The following PIWIL1 variants were observed in gnomAD, a reference collection of about 807,000 sequenced individuals.
PIWIL1 encodes piwi like RNA-mediated gene silencing 1, also known as piwi-like protein 1.
In PIWIL1, 73 loss-of-function variants were observed where a neutral mutation model predicts 114.4. The ratio of observed to expected loss-of-function variants is 0.64; its 90% CI spans 0.53 to 0.78. The LOEUF is 0.78. PIWIL1 is among the 30% of genes least tolerant of loss of function. The pLI, the probability that PIWIL1 is intolerant of heterozygous loss-of-function variation, is 0.00. For synonymous variants in PIWIL1, 375 were observed against 369.0 expected, an observed-to-expected ratio of 1.02 and a Z score of -0.19; for missense variants, 723 against 1,063.1, an observed-to-expected ratio of 0.68 and a Z score of 4.45.
At position 130,355,018 on chromosome 12, in the gene PIWIL1, T is replaced by C; in HGVS notation, c.1289+13T>C. The C allele has an allele frequency of 6.8e-7, 1 of 1,478,730 alleles. No homozygotes were observed. The highest frequency in any genetic ancestry group is 9.5e-7 in the Non-Finnish European group (1 of 1,056,732). The allele number at this position is 1,478,730 out of a possible 1,614,324, so 91.6% of individuals were successfully genotyped here. A position where few individuals can be genotyped will look rare whatever the true frequency, so the allele number is the denominator to read the frequency against. On this transcript the variant is annotated intron_variant, in intron 11 of 20. Coordinates refer to ENST00000245255, the MANE Select transcript of PIWIL1 (RefSeq NM_004764.5). ...ATTACATTCATAAGTAAGTCATTGATTTCACTGGGGCAGGGTTTCAGTTTT... is the reference window on the plus strand; with the variant it reads ...ATTACATTCATAAGTAAGTCATTGACTTCACTGGGGCAGGGTTTCAGTTTT...
the PIWIL1 span, among the ~76,000 whole-genome samples, chr12:130,410,177 A>G: frequency 6.6e-5 from 10 of 152,328 alleles, no homozygotes; most frequent in Admixed American, 6.5e-4. Flanking sequence ...TGCCACCCAC[A>G]TATCGTCTTT....
the PIWIL1 span, among the ~76,000 whole-genome samples, chr12:130,418,460 G>A: frequency 6.6e-6 from 1 of 152,206 alleles, no homozygotes; most frequent in African/African-American, 2.4e-5. Context: ...AGCTGTGGCT[G>A]CATGAGAAGG....
chr12:130,400,613 T>C, the PIWIL1 span, among the ~76,000 whole-genome samples: 3 of 152,172 alleles, frequency 2.0e-5, no homozygotes, highest in African/African-American at 7.2e-5. Flanking sequence ...TTTCTCTGTT[T>C]ATATGGTCTA....
At position 130,372,486 on chromosome 12, in the gene PIWIL1, G is replaced by A. The variant is rs2073833474; in HGVS notation, c.*888G>A. The A allele has an allele frequency of 6.6e-6, 1 of 151,658 alleles. No homozygotes were observed. 9.4% of individuals were successfully genotyped at this position (151,658 alleles called of 1,614,324 possible). A position where few individuals can be genotyped will look rare whatever the true frequency, so the allele number is the denominator to read the frequency against. On this transcript the variant is annotated 3_prime_UTR_variant, in exon 21 of 21. Coordinates refer to ENST00000245255, the MANE Select transcript of PIWIL1 (RefSeq NM_004764.5). ...AAAAATACAAAATTAGCCAGATGTG[G>A]TGCCAGGAGGCTGAGGCAGGAGAAT...
At chr12:130,402,872 G>A in the PIWIL1 span, among the ~76,000 whole-genome samples, 3 of 152,340 alleles carry the variant, frequency 2.0e-5, no homozygotes, top group Admixed American at 2.0e-4. Flanking sequence ...TAAGGTTTCA[G>A]ATACCGAGAT....
the PIWIL1 span, among the ~76,000 whole-genome samples, chr12:130,391,560 A>G: frequency 6.6e-6 from 1 of 152,160 alleles, no homozygotes; most frequent in African/African-American, 2.4e-5. Flanking sequence ...ATTATTTTCA[A>G]TTTGTATGGT....
rs139256282 is a variant in PIWIL1, at chr12:130,342,658, G to T, written c.67G>T (p.Gly23Cys). ...ARGQETAQLVGSTASQQPGYI... is the reference protein window; with the variant it reads ...ARGQETAQLVCSTASQQPGYI... ...CGGTCAGGAGACAGCGCAGCTGGTG[G>T]GCTCCACTGCCGTGAGTGCTTCACC... The change falls in exon 2 of 21, where the codon GGC (glycine) becomes TGC (cysteine). Residue 23 changes from glycine to cysteine, a missense_variant. Coordinates refer to ENST00000245255, the MANE Select transcript of PIWIL1 (RefSeq NM_004764.5). 6.2e-7 allele frequency: 1 copy of T among 1,612,432 alleles called. No homozygotes were observed. The highest frequency in any genetic ancestry group is 8.5e-7 in the Non-Finnish European group (1 of 1,178,740).
At position 130,371,078 on chromosome 12, in the gene PIWIL1, A is replaced by C. The variant is rs2136202283; in HGVS notation, c.2322-98A>C. 8.3e-6 allele frequency: 8 copies of C among 959,598 alleles called. No homozygotes were observed. In the South Asian group the frequency reaches 1.2e-4, roughly 14 times the overall value. The allele number at this position is 959,598 out of a possible 1,614,324, so 59.4% of individuals were successfully genotyped here. A position where few individuals can be genotyped will look rare whatever the true frequency, so the allele number is the denominator to read the frequency against. On this transcript the variant is annotated intron_variant, in intron 19 of 20. Coordinates refer to ENST00000245255, the MANE Select transcript of PIWIL1 (RefSeq NM_004764.5). ...GAGAAGAGATGAGGTTACTGTAGTAACTTACAGTGAAGAGTGGTACAGAGC... is the reference window on the plus strand; with the variant it reads ...GAGAAGAGATGAGGTTACTGTAGTACCTTACAGTGAAGAGTGGTACAGAGC...
At chr12:130,421,687 TTATA>T in the PIWIL1 span, among the ~76,000 whole-genome samples, 2 of 112,222 alleles carry the variant, frequency 1.8e-5, no homozygotes, top group African/African-American at 4.7e-5. Flanking sequence ...CTCCCTGCAT[TTATA>T]TGTGTGTGTG....
chr12:130,359,072 C>G (rs1433222079), intron 14 of PIWIL1, among the ~76,000 whole-genome samples: 1 of 152,214 alleles, frequency 6.6e-6, no homozygotes, highest in East Asian at 1.9e-4. Context: ...TTCTCTAACA[C>G]TCCTCCCACC....
At chr12:130,421,689 A>ATGTG in the PIWIL1 span, among the ~76,000 whole-genome samples, 20 of 107,006 alleles carry the variant, frequency 1.9e-4, no homozygotes, top group South Asian at 3.0e-4. Flanking sequence ...CCCTGCATTT[A>ATGTG]TATGTGTGTG....
chr12:130,346,575 A>G lies in PIWIL1; in HGVS notation c.522A>G (p.Leu174=), dbSNP rs143819641. ...CGATATTATTTTTACCTAAAAGACT[A>G]CAGCAAAAGGTTATTTGGGAAAAGG... ...DGTILFLPKR[L]QQKVTEVFSK... The change falls in exon 5 of 21, where the codon CTA becomes CTG. Residue 174 remains leucine (L), a synonymous_variant. Transcript: ENST00000245255. 2.3e-5 allele frequency: 37 copies of G among 1,612,070 alleles called. No homozygotes were observed. The African/African-American group carries it at 4.4e-4, about 19-fold the overall frequency.
At chr12:130,354,853 C>A (rs781712952) in intron 10 of PIWIL1, 35 bp from the exon 11 acceptor site, 1 of 1,490,718 alleles carries the variant, frequency 6.7e-7, no homozygotes, top group Admixed American at 1.7e-5. Flanking sequence ...ATTATTATTT[C>A]TTTAACCATA....
intron 19 of PIWIL1, among the ~76,000 whole-genome samples, chr12:130,367,573 C>T (rs2073695896): frequency 6.6e-6 from 1 of 152,204 alleles, no homozygotes; most frequent in African/African-American, 2.4e-5. Flanking sequence ...AACCTATCCA[C>T]AGATTGTTTT....
downstream of PIWIL1, among the ~76,000 whole-genome samples, chr12:130,375,124 G>A (rs2073856948): frequency 6.6e-6 from 1 of 152,096 alleles, no homozygotes; most frequent in African/African-American, 2.4e-5. Flanking sequence ...TGCTCCCCGA[G>A]CTCCGATTCC....
chr12:130,348,860 A>G (rs1313640103), intron 7 of PIWIL1, among the ~76,000 whole-genome samples: 1 of 152,248 alleles, frequency 6.6e-6, no homozygotes, highest in East Asian at 1.9e-4. Flanking sequence ...AGATCGTGCC[A>G]ACTCCAGCCT....
Position 130,354,946 on chromosome 12 carries a change from A to G in PIWIL1, c.1230A>G (p.Thr410=). ...FNVMKDLAVH[T]RLTPEQRQRE... is the part of the protein sequence containing the mutation. ...TGATGAAAGACTTAGCCGTTCATAC[A>G]AGACTAACTCCAGAGCAAAGGCAGC... The change falls in exon 11 of 21, where the codon ACA becomes ACG. Residue 410 remains threonine (T), a synonymous_variant. Transcript: ENST00000245255. 1.2e-6 allele frequency: 2 copies of G among 1,614,066 alleles called. No individual in the cohort carries two copies. Among genetic ancestry groups the G allele is most frequent in the Non-Finnish European group, 1.7e-6 (2 of 1,179,916 alleles).
chr12:130,396,595 CGAAAGTA>C, the PIWIL1 span: 1 of 152,508 alleles, frequency 6.6e-6, no homozygotes, highest in Non-Finnish European at 1.5e-5. Context: ...ATTTTGACAA[CGAAAGTA>C]ACAGAAAACC....
intron 19 of PIWIL1, 27 bp from the exon 20 acceptor site, chr12:130,371,149 A>G (rs762655093): frequency 6.2e-6 from 10 of 1,606,056 alleles, no homozygotes; most frequent in Non-Finnish European, 8.5e-6. Context: ...AGTTTTCAGC[A>G]CATCCGTGTG....
Sources: gnomAD v4.1 joint callset for allele counts (sites outside exome capture counted in the v4.1 genomes callset) on GRCh38, gnomAD v4.1.1 for gene constraint, MANE v1.5 for transcripts, NCBI Gene and HGNC (gene_info 2026-07-23, HGNC 2026-07-21) for gene names.